CTNNA3: variants seen among roughly 807,000 people sequenced by gnomAD.
The protein encoded by CTNNA3 is catenin alpha-3.
Under a neutral mutation model 95.7 loss-of-function variants are expected in CTNNA3, and 76 were observed. The ratio of observed to expected loss-of-function variants is 0.79; its 90% CI spans 0.66 to 0.96. CTNNA3 has a LOEUF of 0.96. CTNNA3 is among the 40% of genes least tolerant of loss of function. CTNNA3 has a pLI of 0.00. For synonymous variants in CTNNA3, 431 were observed against 374.4 expected, an observed-to-expected ratio of 1.15 and a Z score of -1.74; for missense variants, 1,191 against 1,089.8, an observed-to-expected ratio of 1.09 and a Z score of -1.31.
At chr10:66,805,028 T>C (rs1235798670) in intron 7 of CTNNA3, among the ~76,000 whole-genome samples, 3 of 152,086 alleles carry the variant, frequency 2.0e-5, no homozygotes, top group Admixed American at 2.0e-4. Flanking sequence ...CAGAGGGTGA[T>C]TACATGATTA....
At chr10:67,475,193 C>A (rs1404984785) in intron 5 of CTNNA3, among the ~76,000 whole-genome samples, 2 of 152,126 alleles carry the variant, frequency 1.3e-5, no homozygotes, top group Admixed American at 1.3e-4. Context: ...TACATGATTC[C>A]ATTTATGTAA....
intron 9 of CTNNA3, among the ~76,000 whole-genome samples, chr10:66,683,008 T>C (rs1847122109): frequency 6.6e-6 from 1 of 152,164 alleles, no homozygotes; most frequent in Admixed American, 6.5e-5. Flanking sequence ...ATCTTAACGT[T>C]GTACATAAAT....
At chr10:66,193,330 A>C (rs1273752690) in intron 13 of CTNNA3, among the ~76,000 whole-genome samples, 1 of 152,182 alleles carries the variant, frequency 6.6e-6, no homozygotes, top group Admixed American at 6.6e-5. Flanking sequence ...TTGCTGGGAC[A>C]AAAACCATAA....
At chr10:66,319,820 C>A (rs1224630261) in intron 12 of CTNNA3, among the ~76,000 whole-genome samples, 1 of 152,130 alleles carries the variant, frequency 6.6e-6, no homozygotes, top group Non-Finnish European at 1.5e-5. Context: ...TACTCCCACT[C>A]TTCAAAGGAA....
chr10:66,244,696 C>T (rs928197672), intron 13 of CTNNA3, among the ~76,000 whole-genome samples: 3 of 152,180 alleles, frequency 2.0e-5, no homozygotes, highest in South Asian at 2.1e-4. Flanking sequence ...TTAGGGTCCC[C>T]GTTAAAGCAG....
At chr10:67,140,816 TGA>T (rs1860523452) in intron 7 of CTNNA3, among the ~76,000 whole-genome samples, 1 of 152,144 alleles carries the variant, frequency 6.6e-6, no homozygotes, top group African/African-American at 2.4e-5. Context: ...CTTTTCCTGG[TGA>T]GAGAGGGCCT....
intron 5 of CTNNA3, among the ~76,000 whole-genome samples, chr10:67,417,754 A>C (rs1845595826): frequency 1.3e-5 from 2 of 152,100 alleles, no homozygotes; most frequent in African/African-American, 4.8e-5. Context: ...GAACCCATCC[A>C]CTGTATAAAT....
intron 7 of CTNNA3, among the ~76,000 whole-genome samples, chr10:66,961,818 C>A (rs1269845802): frequency 1.3e-5 from 2 of 152,220 alleles, no homozygotes; most frequent in Non-Finnish European, 1.5e-5. Context: ...CTGATCTTCA[C>A]CTCCACTCCC....
chr10:66,120,432 T>G (rs917508583), intron 13 of CTNNA3, among the ~76,000 whole-genome samples: 1 of 152,168 alleles, frequency 6.6e-6, no homozygotes, highest in Non-Finnish European at 1.5e-5. Context: ...AAATAAATAA[T>G]GTAGAAAATT....
At chr10:66,337,040 T>C (rs531174070) in intron 12 of CTNNA3, among the ~76,000 whole-genome samples, 1 of 152,236 alleles carries the variant, frequency 6.6e-6, no homozygotes, top group Admixed American at 6.5e-5. Flanking sequence ...AATCATTAAA[T>C]AGATTTGGGA....
At chr10:67,524,549 T>C (rs1840085607) in intron 4 of CTNNA3, among the ~76,000 whole-genome samples, 1 of 152,208 alleles carries the variant, frequency 6.6e-6, no homozygotes, top group Non-Finnish European at 1.5e-5. Flanking sequence ...TCGGACTTTG[T>C]ATAATATGGA....
At chr10:66,400,689 C>T (rs2093013570) in intron 11 of CTNNA3, among the ~76,000 whole-genome samples, 1 of 152,116 alleles carries the variant, frequency 6.6e-6, no homozygotes, top group African/African-American at 2.4e-5. Flanking sequence ...AAACTTGTCT[C>T]ATCAAGAAAT....
At position 67,327,040 on chromosome 10, in the gene CTNNA3, T is replaced by A. The variant is rs993472086; in HGVS notation, c.580-107170A>T. Among the ~76,000 whole-genome samples, 6 of 152,194 alleles carry A rather than the reference T, an allele frequency of 3.9e-5. No homozygotes were observed. The South Asian group carries it at 8.3e-4, about 21-fold the overall frequency. ...GCTATTAATACTTGTGATTGCACTA[T>A]GAAACTCTTGTAGTGTGTTTTTCAG... On this transcript the variant is annotated intron_variant, in intron 5 of 17. Transcript: ENST00000433211.
intron 7 of CTNNA3, among the ~76,000 whole-genome samples, chr10:67,147,469 A>G (rs999587911): frequency 6.6e-6 from 1 of 152,240 alleles, no homozygotes; most frequent in African/African-American, 2.4e-5. Flanking sequence ...ATATTTCACT[A>G]AAGCACAAAA....
intron 5 of CTNNA3, among the ~76,000 whole-genome samples, chr10:67,238,452 A>C (rs866032837): frequency 6.6e-6 from 1 of 152,284 alleles, no homozygotes; most frequent in African/African-American, 2.4e-5. Flanking sequence ...AAAAAAAAAA[A>C]ATTCAATTAA....
At chr10:66,284,316 A>T (rs1418028400) in intron 12 of CTNNA3, among the ~76,000 whole-genome samples, 1 of 151,948 alleles carries the variant, frequency 6.6e-6, no homozygotes. Flanking sequence ...TAAGGCAGGA[A>T]CTATTACTAT....
chr10:66,941,640 G>C (rs1848002236), intron 7 of CTNNA3, among the ~76,000 whole-genome samples: 2 of 152,164 alleles, frequency 1.3e-5, no homozygotes, highest in Admixed American at 1.3e-4. Flanking sequence ...TCAGTCTGCA[G>C]GGCTCATTTG....
chr10:66,679,440 G>T (rs1012139333), intron 9 of CTNNA3, among the ~76,000 whole-genome samples: 4 of 152,184 alleles, frequency 2.6e-5, no homozygotes, highest in Non-Finnish European at 4.4e-5. Context: ...TCTGCAGAAT[G>T]TTTATATGGA....
chr10:66,951,260 C>A (rs958426671), intron 7 of CTNNA3, among the ~76,000 whole-genome samples: 5 of 151,952 alleles, frequency 3.3e-5, no homozygotes, highest in Non-Finnish European at 7.4e-5. Context: ...GGATTATAGG[C>A]ATGCACCACC....
Sources: allele counts gnomAD v4.1 joint callset (sites outside exome capture counted in the v4.1 genomes callset), GRCh38; gene constraint gnomAD v4.1.1; transcripts MANE v1.5; gene names NCBI Gene and HGNC (gene_info 2026-07-23, HGNC 2026-07-21).